Variants in DRD3 observed in about 807,000 individuals in gnomAD.
DRD3 encodes D(3) dopamine receptor.
DRD3 carries 19 observed loss-of-function variants against 36.3 expected under a neutral mutation model. That is an observed-to-expected ratio of 0.52 (90% CI 0.36 to 0.77). DRD3 has a LOEUF of 0.77. Ranked by LOEUF, DRD3 falls within the 30% of genes least tolerant of loss-of-function variation. The pLI, the probability that DRD3 is intolerant of heterozygous loss-of-function variation, is 0.00. For synonymous variants in DRD3, 195 were observed against 203.7 expected, an observed-to-expected ratio of 0.96 and a Z score of 0.36; for missense variants, 465 against 505.3, an observed-to-expected ratio of 0.92 and a Z score of 0.77.
intron 5 of DRD3, among the ~76,000 whole-genome samples, chr3:114,134,141 C>CT (rs1166818738): frequency 2.0e-5 from 3 of 152,192 alleles, no homozygotes; most frequent in Non-Finnish European, 4.4e-5. Context: ...ACAAAAACCC[C>CT]TCGCTTTGGT....
At chr3:114,187,983 C>G (rs774525613) in intron 1 of DRD3, among the ~76,000 whole-genome samples, 7 of 151,982 alleles carry the variant, frequency 4.6e-5, no homozygotes, top group Non-Finnish European at 7.4e-5. Flanking sequence ...TCCTTGTGCC[C>G]TAGGAAGAGA....
intron 3 of DRD3, among the ~76,000 whole-genome samples, chr3:114,147,776 C>T (rs576702520): frequency 1.3e-5 from 2 of 152,100 alleles, no homozygotes; most frequent in Non-Finnish European, 1.5e-5. Flanking sequence ...GCCGCCACCA[C>T]GCCTGCCTAA....
At chr3:114,152,398 T>A (rs2077625991) in intron 3 of DRD3, among the ~76,000 whole-genome samples, 1 of 152,220 alleles carries the variant, frequency 6.6e-6, no homozygotes, top group African/African-American at 2.4e-5. Flanking sequence ...TTAGACAGGT[T>A]TTGAGAAAGT....
chr3:114,185,668 G>A (rs1040736387), intron 1 of DRD3, among the ~76,000 whole-genome samples: 30 of 151,762 alleles, frequency 2.0e-4, no homozygotes, highest in Middle Eastern at 3.4e-3. Context: ...GTTTCTTCAT[G>A]TGCCTTGTAA....
chr3:114,151,377 G>T (rs2077616191), intron 3 of DRD3, among the ~76,000 whole-genome samples: 1 of 152,134 alleles, frequency 6.6e-6, no homozygotes, highest in Admixed American at 6.5e-5. Flanking sequence ...TGACCCTTCT[G>T]TGTATTCAGT....
intron 1 of DRD3, among the ~76,000 whole-genome samples, chr3:114,189,102 T>C (rs1025865269): frequency 1.3e-5 from 2 of 152,252 alleles, no homozygotes; most frequent in Non-Finnish European, 2.9e-5. Flanking sequence ...AAAGTAATTA[T>C]AAATAATATT....
chr3:114,186,457 C>G (rs1389289966), intron 1 of DRD3, among the ~76,000 whole-genome samples: 1 of 152,160 alleles, frequency 6.6e-6, no homozygotes, highest in Non-Finnish European at 1.5e-5. Context: ...TACAGCCAGA[C>G]AGGGAGGGGC....
intron 2 of DRD3, 67 bp downstream of exon 2, chr3:114,171,656 G>A: frequency 6.9e-7 from 1 of 1,455,114 alleles, no homozygotes. Flanking sequence ...AGCCCCAAAG[G>A]CCAGAACTCA....
chr3:114,129,041 T>C, intron 6 of DRD3, 129 bp from the exon 7 acceptor site: 1 of 946,642 alleles, frequency 1.1e-6, no homozygotes, highest in South Asian at 2.0e-5. Flanking sequence ...ACCCACTTAC[T>C]TTTTTTTATA....
intron 1 of DRD3, among the ~76,000 whole-genome samples, chr3:114,186,798 C>T (rs533515298): frequency 9.2e-5 from 14 of 152,352 alleles, no homozygotes; most frequent in African/African-American, 3.1e-4. Context: ...GCAGACTCTG[C>T]CAGTGCAATT....
At position 114,147,473 on chromosome 3, in the gene DRD3, G is replaced by A. The variant is rs201360112; in HGVS notation, c.468C>T (p.Ala156=). 35 of 1,613,940 alleles carry A rather than the reference G, an allele frequency of 2.2e-5. No individual in the cohort carries two copies. The highest frequency in any genetic ancestry group is 8.9e-5 in the East Asian group (4 of 44,860). ...SCRRVALMIT[A]VWVLAFAVSC... The stretch of plus-strand genomic sequence containing the variant: ...ACACAGCAAAGGCCAGTACCCAGAC[G>A]GCCGTGATCATGAGGGCCACGCGCC... Residue 156 remains alanine, a synonymous_variant, in exon 4 of 7, where the codon GCC becomes GCT. Coordinates refer to ENST00000383673, the MANE Select transcript of DRD3 (RefSeq NM_000796.6).
chr3:114,133,059 C>T (rs1192382097), intron 5 of DRD3, among the ~76,000 whole-genome samples: 3 of 150,918 alleles, frequency 2.0e-5, no homozygotes, highest in East Asian at 2.0e-4. Flanking sequence ...GGTGTGATCT[C>T]GGTTCACTGC....
intron 3 of DRD3, among the ~76,000 whole-genome samples, chr3:114,155,798 G>C (rs2107858686): frequency 6.6e-6 from 1 of 152,088 alleles, no homozygotes; most frequent in South Asian, 2.1e-4. Flanking sequence ...GGGCTGAGGG[G>C]GCTCTCTTTA....
At chr3:114,154,578 G>A (rs1328956777) in intron 3 of DRD3, among the ~76,000 whole-genome samples, 1 of 151,936 alleles carries the variant, frequency 6.6e-6, no homozygotes, top group Non-Finnish European at 1.5e-5. Flanking sequence ...AAAGCTTTTT[G>A]CAAATGACTG....
At position 114,171,814 on chromosome 3, in the gene DRD3, A is replaced by G. The variant is rs747070751; in HGVS notation, c.179T>C (p.Leu60Pro). Reference sequence around the variant, plus strand: ...TACTAAGTAGTTGGTGGTAGTCTGCAGGGCCCGCTCCTTCAGCACAGCCAT... The same window carrying G: ...TACTAAGTAGTTGGTGGTAGTCTGCGGGGCCCGCTCCTTCAGCACAGCCAT... ...VCMAVLKERA[L>P]QTTTNYLVVS... The change falls in exon 2 of 7, where the codon CTG becomes CCG. Residue 60 changes from leucine (L) to proline (P), a missense_variant. By Grantham distance (98) the Leu-to-Pro change is moderately conservative (BLOSUM62 -3). Transcript: ENST00000383673. 2 of 1,614,116 alleles carry G rather than the reference A, an allele frequency of 1.2e-6. No homozygotes were observed. Among genetic ancestry groups the G allele is most frequent in the Non-Finnish European group, 1.7e-6 (2 of 1,179,978 alleles).
At chr3:114,193,093 C>T (rs568617753) in intron 1 of DRD3, among the ~76,000 whole-genome samples, 69 of 152,048 alleles carry the variant, frequency 4.5e-4, no homozygotes, top group African/African-American at 1.2e-3. Context: ...TCCTGGCTAA[C>T]ACGGTGAAAC....
At chr3:114,132,417 G>A (rs1342236269) in intron 5 of DRD3, among the ~76,000 whole-genome samples, 1 of 152,100 alleles carries the variant, frequency 6.6e-6, no homozygotes, top group Non-Finnish European at 1.5e-5. Flanking sequence ...GGGATGGGGG[G>A]CAAGGGGAGG....
At chr3:114,146,466 C>T (rs991054050) in intron 4 of DRD3, among the ~76,000 whole-genome samples, 1 of 151,846 alleles carries the variant, frequency 6.6e-6, no homozygotes, top group Non-Finnish European at 1.5e-5. Flanking sequence ...ACTTGTAATC[C>T]CAGCATTTTG....
intron 3 of DRD3, among the ~76,000 whole-genome samples, chr3:114,149,522 C>G (rs118102393): frequency 1.2e-4 from 18 of 152,134 alleles, no homozygotes; most frequent in African/African-American, 4.3e-4. Context: ...CTAGGATGGC[C>G]CCAAGATTTC....
Sources: allele counts gnomAD v4.1 joint callset (sites outside exome capture counted in the v4.1 genomes callset), GRCh38; gene constraint gnomAD v4.1.1; transcripts MANE v1.5; gene names NCBI Gene and HGNC (gene_info 2026-07-23, HGNC 2026-07-21).